The following FBXW10 variants were observed in gnomAD, a reference collection of about 807,000 sequenced individuals.
FBXW10 encodes the protein F-box and WD repeat domain containing 10.
A neutral mutation model predicts 113.1 loss-of-function variants in FBXW10; 68 were observed. That is an observed-to-expected ratio of 0.60 (90% CI 0.49 to 0.74). FBXW10 has a LOEUF of 0.74. FBXW10 is among the 30% of genes least tolerant of loss of function. The probability of loss-of-function intolerance (pLI) is 0.00; values close to 1 mark genes in which losing one functional copy is unlikely to be tolerated. For synonymous variants in FBXW10, 289 were observed against 481.6 expected (o/e 0.60, Z 5.24); for missense variants, 753 against 1,284.5 (o/e 0.59, Z 6.32).
At chr17:18,748,432 A>AAT (rs2035090827) in intron 2 of FBXW10, among the ~76,000 whole-genome samples, 2 of 140,774 alleles carry the variant, frequency 1.4e-5, no homozygotes, top group Admixed American at 1.4e-4. Context: ...AAAAAAAAAA[A>AAT]GAAAGCCAAT....
chr17:18,767,866 T>G (rs144304817), intron 9 of FBXW10, among the ~76,000 whole-genome samples: 3,202 of 152,246 alleles, frequency 0.021, 66 homozygotes, highest in Middle Eastern at 0.068. Flanking sequence ...CCCTCTCTAG[T>G]GCTCCAAGAA....
chr17:18,759,615 TTTTG>T (rs1224593214), intron 7 of FBXW10, among the ~76,000 whole-genome samples: 2 of 133,120 alleles, frequency 1.5e-5, no homozygotes, highest in Non-Finnish European at 3.3e-5. Context: ...GTTTCTAGTT[TTTTG>T]TTTTTTTTTT....
At chr17:18,760,531 C>T (rs573413481) in intron 7 of FBXW10, among the ~76,000 whole-genome samples, 26 of 152,326 alleles carry the variant, frequency 1.7e-4, no homozygotes, top group African/African-American at 6.0e-4. Context: ...GGGCCAGGCG[C>T]GGTGGCTCAT....
chr17:18,778,047 G>A (rs1479344772), intron 13 of FBXW10, among the ~76,000 whole-genome samples: 1 of 151,438 alleles, frequency 6.6e-6, no homozygotes, highest in Non-Finnish European at 1.5e-5. Flanking sequence ...TCAGGAGATC[G>A]AGGCCATCCT....
intron 7 of FBXW10, among the ~76,000 whole-genome samples, chr17:18,758,827 G>GTT (rs11372212): frequency 1.3e-5 from 2 of 149,684 alleles, no homozygotes; most frequent in South Asian, 2.1e-4. Flanking sequence ...GGGGAACGTG[G>GTT]TTTTTATGGG....
chr17:18,749,267 G>A (rs1211027644), intron 2 of FBXW10, among the ~76,000 whole-genome samples: 4 of 152,086 alleles, frequency 2.6e-5, no homozygotes, highest in South Asian at 4.1e-4. Context: ...GGCCGAGTGC[G>A]GTGGCTCACG....
Position 18,775,128 on chromosome 17 carries a change from C to T in FBXW10, c.2279-8C>T, listed in dbSNP as rs1385732430. On this transcript the variant is annotated splice_polypyrimidine_tract_variant and splice_region_variant and intron_variant, in intron 12 of 13. Coordinates refer to ENST00000395665, the MANE Select transcript of FBXW10 (RefSeq NM_001267585.2). ...ATGACTACAGCTTCTTCCTCAATCT[C>T]AATTTAGCAGTGTTAATAGAGGAAC... 1 of 1,597,674 alleles carries T rather than the reference C, an allele frequency of 6.3e-7. No homozygotes were observed. Among genetic ancestry groups the T allele is most frequent in the South Asian group, 1.1e-5 (1 of 90,546 alleles).
chr17:18,746,086 G>A (rs2035033825), intron 1 of FBXW10, among the ~76,000 whole-genome samples: 1 of 151,852 alleles, frequency 6.6e-6, no homozygotes, highest in African/African-American at 2.4e-5. Context: ...GAAGGGGAGG[G>A]GTGTCAGTTT....
intron 11 of FBXW10, among the ~76,000 whole-genome samples, chr17:18,771,412 G>T (rs1487686639): frequency 2.0e-5 from 3 of 152,170 alleles, no homozygotes; most frequent in African/African-American, 7.2e-5. Flanking sequence ...TAAAACTGGT[G>T]GGTTAGGGAG....
rs986931773 is a variant in FBXW10, at chr17:18,768,514, A to C, written c.1705-20A>C. ...AGGAGTCACAGTCTGAGTTGAAGAC[A>C]GTGGTATCTTTTCTTGCAGACTCTC... On this transcript the variant is annotated intron_variant, in intron 9 of 13. Transcript: ENST00000395665. The C allele has an allele frequency of 5.6e-6, 9 of 1,613,660 alleles. No homozygotes were observed. The highest frequency in any genetic ancestry group is 7.6e-6 in the Non-Finnish European group (9 of 1,179,798).
Position 18,744,610 on chromosome 17 carries a change from G to T in FBXW10, c.366G>T (p.Leu122Phe), listed in dbSNP as rs1334734555. The change falls in exon 1 of 14, where the codon TTG (leucine) becomes TTT (phenylalanine). Residue 122 changes from leucine (L) to phenylalanine (F), a missense_variant. Physicochemically the swap from Leu to Phe is conservative, Grantham distance 22. Coordinates refer to ENST00000395665, the MANE Select transcript of FBXW10 (RefSeq NM_001267585.2). ...TAGAACAGAAGATGAAAGAGATCTTGTACTGGTTTGCGAACAGCACCCAGT... is the reference window on the plus strand; with the variant it reads ...TAGAACAGAAGATGAAAGAGATCTTTTACTGGTTTGCGAACAGCACCCAGT... ...KTVEQKMKEI[L>F]YWFANSTQWT... is the part of the protein sequence containing the mutation. 3 of 1,614,010 alleles carry T rather than the reference G, an allele frequency of 1.9e-6. 1 individual carries two copies. In the Middle Eastern group the frequency reaches 5.0e-4, roughly 267 times the overall value.
intron 5 of FBXW10, among the ~76,000 whole-genome samples, chr17:18,752,256 G>C (rs2035185191): frequency 6.6e-6 from 1 of 152,148 alleles, no homozygotes; most frequent in Non-Finnish European, 1.5e-5. Flanking sequence ...CTGCTCATCA[G>C]TTCTGGCTAA....
chr17:18,748,534 A>G (rs867642562), intron 2 of FBXW10, among the ~76,000 whole-genome samples: 10 of 151,798 alleles, frequency 6.6e-5, no homozygotes, highest in African/African-American at 2.4e-4. Context: ...AGGAACTCAC[A>G]TTCATTTAGC....
At chr17:18,748,145 T>G (rs1231778447) in intron 2 of FBXW10, 40 bp downstream of exon 2, 1 of 1,611,542 alleles carries the variant, frequency 6.2e-7, no homozygotes, top group South Asian at 1.1e-5. Flanking sequence ...ATGGGCTAGG[T>G]GCGGTGGCTC....
intron 1 of FBXW10, chr17:18,744,977 G>A (rs1298203048): frequency 1.3e-5 from 18 of 1,418,432 alleles, no homozygotes; most frequent in Non-Finnish European, 1.2e-5. Flanking sequence ...GCAGGAGGAA[G>A]TACACAACTT....
At chr17:18,765,337 A>G (rs1156612006) in intron 8 of FBXW10, among the ~76,000 whole-genome samples, 1 of 152,242 alleles carries the variant, frequency 6.6e-6, no homozygotes, top group Non-Finnish European at 1.5e-5. Context: ...TACATAAAAT[A>G]TAAGTGAAGG....
chr17:18,772,297 T>C (rs1423325303), intron 11 of FBXW10, 115 bp from the exon 12 acceptor site: 5 of 973,112 alleles, frequency 5.1e-6, no homozygotes, highest in Non-Finnish European at 7.8e-6. Flanking sequence ...GTCTGTTTGG[T>C]CATCACCTGG....
At chr17:18,775,309 ATTAGTGGC>A in intron 13 of FBXW10, 117 bp downstream of exon 13, 2 of 684,926 alleles carry the variant, frequency 2.9e-6, no homozygotes, top group Non-Finnish European at 5.3e-6. Flanking sequence ...TTAATTCTGA[ATTAGTGGC>A]AAGATCCAAA....
At chr17:18,749,421 C>T (rs138532528) in intron 2 of FBXW10, among the ~76,000 whole-genome samples, 3 of 151,694 alleles carry the variant, frequency 2.0e-5, no homozygotes, top group Admixed American at 6.6e-5. Context: ...GTGGCGGGCT[C>T]CTGTAGTCCC....
Sources: gnomAD v4.1 joint callset for allele counts (sites outside exome capture counted in the v4.1 genomes callset) on GRCh38, gnomAD v4.1.1 for gene constraint, MANE v1.5 for transcripts, NCBI Gene and HGNC (gene_info 2026-07-23, HGNC 2026-07-21) for gene names.